Variants in EIF3H observed in about 807,000 individuals in gnomAD.
EIF3H encodes eukaryotic translation initiation factor 3 subunit H.
A neutral mutation model predicts 44.2 loss-of-function variants in EIF3H; 26 were observed. The ratio of observed to expected loss-of-function variants is 0.59; its 90% CI spans 0.43 to 0.82. The LOEUF (loss-of-function observed/expected upper bound fraction) is 0.82. Ranked by LOEUF, EIF3H falls within the 40% of genes least tolerant of loss-of-function variation. The pLI is 0.00. For synonymous variants in EIF3H, 166 were observed against 151.9 expected (o/e 1.09, Z -0.68); for missense variants, 359 against 432.8 (o/e 0.83, Z 1.51).
chr8:116,726,650 CAT>C (rs1170589789), intron 1 of EIF3H, among the ~76,000 whole-genome samples: 1 of 152,164 alleles, frequency 6.6e-6, no homozygotes, highest in Non-Finnish European at 1.5e-5. Flanking sequence ...AGATCATCTC[CAT>C]AGTCAGAGGA....
chr8:116,709,642 T>G (rs2130896417), intron 2 of EIF3H, among the ~76,000 whole-genome samples: 1 of 152,304 alleles, frequency 6.6e-6, no homozygotes, highest in East Asian at 1.9e-4. Flanking sequence ...GGGTTACAAC[T>G]TGTAAGATTT....
chr8:116,719,081 G>A (rs554070331), intron 2 of EIF3H, among the ~76,000 whole-genome samples: 150 of 152,216 alleles, frequency 9.9e-4, no homozygotes, highest in African/African-American at 3.3e-3. Context: ...TAGTACATTC[G>A]AGGCCAGGAG....
At chr8:116,734,982 CT>C (rs1815009232) in intron 1 of EIF3H, among the ~76,000 whole-genome samples, 1 of 152,202 alleles carries the variant, frequency 6.6e-6, no homozygotes, top group Non-Finnish European at 1.5e-5. Context: ...GTTACCATAG[CT>C]TTTAATTAGC....
intron 2 of EIF3H, among the ~76,000 whole-genome samples, chr8:116,712,094 A>ACTG (rs1297558647): frequency 6.6e-6 from 1 of 152,194 alleles, no homozygotes; most frequent in Non-Finnish European, 1.5e-5. Flanking sequence ...AATTTGTAGG[A>ACTG]CTGCTGCTGC....
At chr8:116,709,167 T>G (rs1814528721) in intron 2 of EIF3H, among the ~76,000 whole-genome samples, 1 of 152,132 alleles carries the variant, frequency 6.6e-6, no homozygotes, top group African/African-American at 2.4e-5. Flanking sequence ...ATGGTACTCA[T>G]TACCACAATT....
intron 1 of EIF3H, among the ~76,000 whole-genome samples, chr8:116,745,720 C>T (rs544997396): frequency 3.3e-4 from 50 of 152,102 alleles, no homozygotes; most frequent in African/African-American, 1.1e-3. Context: ...TGCTTGAGGC[C>T]GGGAGTTCAA....
rs879661666 is a variant in EIF3H at position 116,647,926 on chromosome 8, T to TA, written c.828+879dup. ...TTGTAACCACTCCCATCTTTTTAGT[T>TA]AAAAAAAAAAAATACTGATTTACAT... On this transcript the variant is annotated intron_variant, in intron 6 of 7. Coordinates refer to ENST00000521861, the MANE Select transcript of EIF3H (RefSeq NM_003756.3). Among the ~76,000 whole-genome samples the TA allele has an allele frequency of 1.7e-3, 248 of 145,650 alleles. 1 individual carries two copies. The highest frequency in any genetic ancestry group is 7.1e-3 in the Middle Eastern group (2 of 280).
At chr8:116,668,298 C>T (rs1002369450) in intron 2 of EIF3H, among the ~76,000 whole-genome samples, 2 of 152,196 alleles carry the variant, frequency 1.3e-5, no homozygotes, top group Non-Finnish European at 2.9e-5. Flanking sequence ...ACTGCACTCT[C>T]CTCCTAAGGA....
intron 1 of EIF3H, among the ~76,000 whole-genome samples, chr8:116,742,118 C>T (rs370071658): frequency 6.6e-6 from 1 of 151,984 alleles, no homozygotes; most frequent in Non-Finnish European, 1.5e-5. Context: ...GCTCCTGACA[C>T]ACATGGGATT....
At chr8:116,757,568 C>A (rs908710977), upstream of EIF3H, among the ~76,000 whole-genome samples, 2 of 151,810 alleles carry the variant, frequency 1.3e-5, no homozygotes, top group African/African-American at 4.8e-5. Context: ...AAGAGATACA[C>A]TCAAAATAAT....
At chr8:116,650,653 C>T (rs2130778750) in intron 5 of EIF3H, among the ~76,000 whole-genome samples, 1 of 152,246 alleles carries the variant, frequency 6.6e-6, no homozygotes. Flanking sequence ...ACACAAAAGG[C>T]TGCTTATTGT....
intron 2 of EIF3H, among the ~76,000 whole-genome samples, chr8:116,717,292 T>C (rs1814673380): frequency 6.6e-6 from 1 of 151,974 alleles, no homozygotes; most frequent in Non-Finnish European, 1.5e-5. Context: ...CATGTATGGG[T>C]AGAATCAATA....
At chr8:116,683,511 A>G (rs927661136) in intron 2 of EIF3H, among the ~76,000 whole-genome samples, 15 of 152,212 alleles carry the variant, frequency 9.9e-5, no homozygotes, top group African/African-American at 3.6e-4. Context: ...ACCTCCAGCT[A>G]TCATCACACT....
At chr8:116,683,766 G>A (rs769022892) in intron 2 of EIF3H, among the ~76,000 whole-genome samples, 2 of 152,158 alleles carry the variant, frequency 1.3e-5, no homozygotes, top group East Asian at 1.9e-4. Context: ...CTCTGGTTAC[G>A]AAGATGCTAT....
At chr8:116,663,391 T>C (rs1429468529) in intron 2 of EIF3H, among the ~76,000 whole-genome samples, 1 of 152,220 alleles carries the variant, frequency 6.6e-6, no homozygotes, top group Non-Finnish European at 1.5e-5. Flanking sequence ...GTTCTCATAT[T>C]TAAGGGAAGT....
At chr8:116,673,453 T>C (rs1813790840) in intron 2 of EIF3H, among the ~76,000 whole-genome samples, 1 of 152,198 alleles carries the variant, frequency 6.6e-6, no homozygotes, top group South Asian at 2.1e-4. Flanking sequence ...AATAAAATTA[T>C]CAAGGTTTAG....
intron 2 of EIF3H, among the ~76,000 whole-genome samples, chr8:116,687,855 T>C (rs1339281517): frequency 2.6e-5 from 4 of 152,154 alleles, no homozygotes; most frequent in African/African-American, 7.2e-5. Context: ...GATACCCATC[T>C]AGAATGAATC....
At chr8:116,717,211 C>G (rs924734905) in intron 2 of EIF3H, among the ~76,000 whole-genome samples, 1 of 151,978 alleles carries the variant, frequency 6.6e-6, no homozygotes, top group African/African-American at 2.4e-5. Flanking sequence ...AAAACCTCTA[C>G]GAGGAAAACT....
chr8:116,660,620 C>T (rs553660835), intron 2 of EIF3H, among the ~76,000 whole-genome samples: 82 of 151,962 alleles, frequency 5.4e-4, no homozygotes, highest in Non-Finnish European at 8.8e-4. Context: ...CTTAAGCCTA[C>T]GGCAATGTTG....
Sources: gnomAD v4.1 joint callset for allele counts (sites outside exome capture counted in the v4.1 genomes callset) on GRCh38, gnomAD v4.1.1 for gene constraint, MANE v1.5 for transcripts, NCBI Gene and HGNC (gene_info 2026-07-23, HGNC 2026-07-21) for gene names.